The following JMY variants were observed in gnomAD, a reference collection of about 807,000 sequenced individuals.
JMY encodes the protein junction-mediating and -regulatory protein.
A neutral mutation model predicts 103.3 loss-of-function variants in JMY; 46 were observed. The observed-to-expected ratio is 0.45, with a 90% confidence interval of 0.35 to 0.57. JMY has a LOEUF of 0.57. JMY is among the 20% of genes least tolerant of loss of function. The pLI, the probability that JMY is intolerant of heterozygous loss-of-function variation, is 0.00. For missense variants in JMY, 1,238 were observed against 1,255.2 expected (o/e 0.99, Z 0.21); for synonymous variants, 526 against 489.3 (o/e 1.07, Z -0.99).
At chr5:79,313,804 T>A (rs961998369) in intron 8 of JMY, among the ~76,000 whole-genome samples, 1 of 152,232 alleles carries the variant, frequency 6.6e-6, no homozygotes, top group Non-Finnish European at 1.5e-5. Context: ...GTTTGTAAGC[T>A]ATTATTAGGT....
At chr5:79,293,898 GTCTT>G (rs67601907) in intron 4 of JMY, among the ~76,000 whole-genome samples, 53,433 of 151,650 alleles carry the variant, frequency 0.35, 9,424 homozygotes, top group East Asian at 0.46. Context: ...ATGCAAGTAA[GTCTT>G]TATTTTCAGT....
intron 4 of JMY, among the ~76,000 whole-genome samples, chr5:79,291,631 C>A (rs560481128): frequency 2.0e-5 from 3 of 152,234 alleles, no homozygotes; most frequent in African/African-American, 7.2e-5. Flanking sequence ...CAGAGAAATT[C>A]AGTAAAATTT....
At chr5:79,251,663 C>A (rs1319132778) in intron 1 of JMY, among the ~76,000 whole-genome samples, 3 of 151,860 alleles carry the variant, frequency 2.0e-5, no homozygotes, top group African/African-American at 7.3e-5. Flanking sequence ...CCCCACCTCC[C>A]CCTCAACTTC....
intron 1 of JMY, among the ~76,000 whole-genome samples, chr5:79,253,011 A>C (rs751819898): frequency 2.6e-5 from 4 of 151,680 alleles, no homozygotes; most frequent in Non-Finnish European, 4.4e-5. Flanking sequence ...TCTTTTATTG[A>C]AGGTGATTTT....
chr5:79,258,173 T>G (rs1251071456), intron 1 of JMY, among the ~76,000 whole-genome samples: 1 of 152,180 alleles, frequency 6.6e-6, no homozygotes, highest in East Asian at 1.9e-4. Context: ...AATTTACTAC[T>G]TATCTACAAA....
intron 1 of JMY, among the ~76,000 whole-genome samples, chr5:79,249,818 G>C (rs1745020513): frequency 6.6e-6 from 1 of 152,120 alleles, no homozygotes; most frequent in Non-Finnish European, 1.5e-5. Flanking sequence ...AAGATGAATT[G>C]ACTGGCCTTG....
chr5:79,259,145 A>G (rs994222370), intron 1 of JMY, among the ~76,000 whole-genome samples: 2 of 152,070 alleles, frequency 1.3e-5, no homozygotes, highest in Admixed American at 1.3e-4. Flanking sequence ...AGCTCTCAGT[A>G]GAGAGGGTAG....
intron 1 of JMY, among the ~76,000 whole-genome samples, chr5:79,243,115 G>A (rs77685123): frequency 6.6e-6 from 1 of 152,038 alleles, no homozygotes. Context: ...TTTTGTTTTT[G>A]TATCTTAATG....
chr5:79,282,278 T>C (rs929412533), intron 2 of JMY, among the ~76,000 whole-genome samples: 2 of 152,166 alleles, frequency 1.3e-5, no homozygotes, highest in Admixed American at 1.3e-4. Context: ...GCTAAATAAT[T>C]GTTGCCTTGG....
intron 9 of JMY, among the ~76,000 whole-genome samples, chr5:79,315,494 A>G (rs537879351): frequency 3.1e-4 from 47 of 152,310 alleles, no homozygotes; most frequent in African/African-American, 1.1e-3. Flanking sequence ...AATGTTACAT[A>G]TTACTTGTAT....
At chr5:79,276,189 G>A (rs933187976) in intron 1 of JMY, among the ~76,000 whole-genome samples, 2 of 152,140 alleles carry the variant, frequency 1.3e-5, no homozygotes, top group African/African-American at 4.8e-5. Context: ...TACAGTCTTG[G>A]CTCACTGCAA....
rs1057340431 is a variant in JMY, at chr5:79,325,894, G to C, written c.*4292G>C. ...AGATTCGGCGAGAGTGTGCGTTTGTGTGTGTGAATGTATGAAAAGTTTCCC... is the reference window on the plus strand; with the variant it reads ...AGATTCGGCGAGAGTGTGCGTTTGTCTGTGTGAATGTATGAAAAGTTTCCC... On this transcript the variant is annotated 3_prime_UTR_variant, in exon 11 of 11. Transcript: ENST00000396137. The C allele has an allele frequency of 2.0e-5, 3 of 152,116 alleles. No homozygotes were observed. Among genetic ancestry groups the C allele is most frequent in the African/African-American group, 7.2e-5 (3 of 41,422 alleles). The allele number at this position is 152,116 out of a possible 1,614,324, so 9.4% of individuals were successfully genotyped here.
chr5:79,253,014 G>A (rs1481072296), intron 1 of JMY, among the ~76,000 whole-genome samples: 6 of 151,840 alleles, frequency 4.0e-5, no homozygotes, highest in African/African-American at 4.8e-5. Context: ...TTTATTGAAG[G>A]TGATTTTTTC....
chr5:79,238,686 C>T (rs1480049280), intron 1 of JMY, among the ~76,000 whole-genome samples: 1 of 139,362 alleles, frequency 7.2e-6, no homozygotes, highest in Non-Finnish European at 1.5e-5. Context: ...TTTGCTCCGT[C>T]TCCCAGGCTG....
intron 10 of JMY, among the ~76,000 whole-genome samples, chr5:79,317,761 C>T (rs1190122305): frequency 2.0e-5 from 3 of 152,054 alleles, no homozygotes; most frequent in Non-Finnish European, 4.4e-5. Flanking sequence ...TGCAGTGGCA[C>T]GTTCATGGCT....
intron 1 of JMY, among the ~76,000 whole-genome samples, chr5:79,264,721 G>A (rs1044492550): frequency 2.6e-5 from 4 of 152,046 alleles, no homozygotes; most frequent in African/African-American, 7.2e-5. Context: ...GCCTTCTAAC[G>A]CTGAAGATCA....
intron 2 of JMY, among the ~76,000 whole-genome samples, chr5:79,281,559 G>C (rs897282774): frequency 3.9e-5 from 6 of 151,916 alleles, no homozygotes; most frequent in African/African-American, 1.4e-4. Flanking sequence ...TACGCAGCAC[G>C]TGACTATAAT....
In JMY at chr5:79,312,515, T is replaced by G. The variant is rs746300073; in HGVS notation, c.2064+17T>G. 1 of 1,320,858 alleles carries G rather than the reference T, an allele frequency of 7.6e-7. No individual in the cohort carries two copies. Among genetic ancestry groups the G allele is most frequent in the Non-Finnish European group, 1.0e-6 (1 of 968,002 alleles). 81.8% of individuals were successfully genotyped at this position (1,320,858 alleles called of 1,614,324 possible). On this transcript the variant is annotated intron_variant, in intron 8 of 10. Transcript: ENST00000396137. The stretch of plus-strand genomic sequence containing the variant: ...TTTAAACAGGTATTAAAAGTAATGG[T>G]CCATTTATTGTTTTTCTTTTTTTTT...
rs189780070 is a variant in JMY, at chr5:79,290,939, C to T, written c.1358-191C>T. On this transcript the variant is annotated intron_variant, in intron 3 of 10. Coordinates refer to ENST00000396137, the MANE Select transcript of JMY (RefSeq NM_152405.5). ...GGCGGAGGTTGCAGTGAGCTGAAAT[C>T]GCGCCACTGCACTCCAGCCTGGGCA... 4.6e-3 allele frequency among the ~76,000 whole-genome samples: 701 copies of T among 152,178 alleles called. 4 individuals are homozygous for T. The highest frequency in any genetic ancestry group is 0.016 in the African/African-American group (673 of 41,508).
Sources: allele counts gnomAD v4.1 joint callset (sites outside exome capture counted in the v4.1 genomes callset), GRCh38; gene constraint gnomAD v4.1.1; transcripts MANE v1.5; gene names NCBI Gene and HGNC (gene_info 2026-07-23, HGNC 2026-07-21).